The following POGK variants were observed in gnomAD, a reference collection of about 807,000 sequenced individuals.
The protein encoded by POGK is pogo transposable element with KRAB domain.
A neutral mutation model predicts 54.4 loss-of-function variants in POGK; 16 were observed. The observed-to-expected ratio is 0.29, with a 90% CI of 0.20 to 0.45. The LOEUF is 0.45. Ranked by LOEUF, POGK falls within the 20% of genes least tolerant of loss-of-function variation. The pLI is 1.00. For missense variants in POGK, 515 were observed against 795.6 expected (o/e 0.65, Z 4.24); for synonymous variants, 271 against 302.2 (o/e 0.90, Z 1.07).
In POGK at chr1:166,852,925, GAC is replaced by G. The variant is rs1658133746; in HGVS notation, c.*357_*358del. 1 of 152,232 alleles carries G rather than the reference GAC, an allele frequency of 6.6e-6. No homozygotes were observed. Among genetic ancestry groups the G allele is most frequent in the Non-Finnish European group, 1.5e-5 (1 of 68,050 alleles). 9.4% of individuals were successfully genotyped at this position (152,232 alleles called of 1,614,324 possible). A position where few individuals can be genotyped will look rare whatever the true frequency, so the allele number is the denominator to read the frequency against. On this transcript the variant is annotated 3_prime_UTR_variant, in exon 6 of 6. Transcript: ENST00000367876. ...AACAAAGGTTATTTCCTGGAGAAAA[GAC>G]AATTTATTCAACACCAACGAGGGAC...
At chr1:166,841,983 A>G (rs1177156158) in intron 2 of POGK, among the ~76,000 whole-genome samples, 2 of 151,772 alleles carry the variant, frequency 1.3e-5, no homozygotes, top group African/African-American at 4.8e-5. Context: ...ATTTTACCAT[A>G]TGTATGCTAT....
chr1:166,848,022 A>C (rs779412224), intron 4 of POGK, among the ~76,000 whole-genome samples: 3 of 152,236 alleles, frequency 2.0e-5, no homozygotes, highest in African/African-American at 7.2e-5. Flanking sequence ...CATAGCATAC[A>C]TTTGAGCAAA....
intron 2 of POGK, 122 bp downstream of exon 2, chr1:166,841,210 A>T (rs1657497971): frequency 7.5e-7 from 1 of 1,339,276 alleles, no homozygotes; most frequent in Non-Finnish European, 1.0e-6. Context: ...GTGTGTTTGC[A>T]TTCCTGAGAA....
Position 166,847,585 on chromosome 1 carries a change from C to T in POGK, c.351C>T (p.Thr117=). 6.2e-7 allele frequency: 1 copy of T among 1,612,828 alleles called. No homozygotes were observed. Among genetic ancestry groups the T allele is most frequent in the Admixed American group, 1.7e-5 (1 of 59,998 alleles). The change falls in exon 4 of 6, where the codon ACC becomes ACT. Residue 117 remains threonine, a synonymous_variant. Coordinates refer to ENST00000367876, the MANE Select transcript of POGK (RefSeq NM_017542.5). The part of the protein sequence containing the change: ...NSDEWQLQGG[T]SAENEESDVK... Reference sequence around the variant, plus strand: ...ACGAGTGGCAGCTCCAAGGAGGCACCTCTGCAGGTACTACAAGTAAAGCAG... The same window carrying T: ...ACGAGTGGCAGCTCCAAGGAGGCACTTCTGCAGGTACTACAAGTAAAGCAG...
rs1304410380 is a variant in POGK, at chr1:166,855,784, C to G, written c.*3214C>G. On this transcript the variant is annotated 3_prime_UTR_variant, in exon 6 of 6. Transcript: ENST00000367876. ...CCTGACATTGCAGTGGGCAGCAGGA[C>G]ACGGTCAAGGCTCCTAGCTGCCTCT... 2 of 152,238 alleles carry G rather than the reference C, an allele frequency of 1.3e-5. No homozygotes were observed. The highest frequency in any genetic ancestry group is 2.9e-5 in the Non-Finnish European group (2 of 68,072). The allele number at this position is 152,238 out of a possible 1,614,324, so 9.4% of individuals were successfully genotyped here.
rs1658155514 is a variant in POGK at position 166,853,495 on chromosome 1, G to T, written c.*925G>T. The T allele has an allele frequency of 6.6e-6, 1 of 152,592 alleles. No homozygotes were observed. The highest frequency in any genetic ancestry group is 2.1e-4 in the South Asian group (1 of 4,832). 9.5% of individuals were successfully genotyped at this position (152,592 alleles called of 1,614,324 possible). ...TTAATATTTTTATCACGGGGCAGTG[G>T]GAGGGCTTGGGCTTTTAGCCACAGC... On this transcript the variant is annotated 3_prime_UTR_variant, in exon 6 of 6. Transcript: ENST00000367876.
chr1:166,843,204 T>G (rs1225365487), intron 2 of POGK, among the ~76,000 whole-genome samples: 1 of 152,032 alleles, frequency 6.6e-6, no homozygotes, highest in African/African-American at 2.4e-5. Flanking sequence ...GGAGAGGAGC[T>G]TGGGTGCAGA....
Position 166,850,447 on chromosome 1 carries a change from C to G in POGK, c.*14+24C>G, listed in dbSNP as rs768127159. On this transcript the variant is annotated intron_variant, in intron 5 of 5. Transcript: ENST00000367876. ...AGGTAACCACTCAGGAGTAGATACTCAGTGCCTTTGCTGACATGTCTGTGT... is the reference window on the plus strand; with the variant it reads ...AGGTAACCACTCAGGAGTAGATACTGAGTGCCTTTGCTGACATGTCTGTGT... 2.6e-6 allele frequency: 4 copies of G among 1,552,462 alleles called. No individual in the cohort carries two copies. In the South Asian group the frequency reaches 4.9e-5, roughly 19 times the overall value.
intron 2 of POGK, among the ~76,000 whole-genome samples, chr1:166,844,589 T>C (rs1257139189): frequency 1.3e-5 from 2 of 152,214 alleles, no homozygotes; most frequent in Non-Finnish European, 2.9e-5. Flanking sequence ...TTAATGATTC[T>C]TTGAAACAGT....
At chr1:166,850,538 G>A in intron 5 of POGK, 115 bp downstream of exon 5, 1 of 1,239,490 alleles carries the variant, frequency 8.1e-7, no homozygotes. Context: ...CAGTGCAGTA[G>A]TGTAGATCAG....
intron 5 of POGK, chr1:166,850,751 A>G (rs924908565): frequency 1.1e-5 from 2 of 184,668 alleles, no homozygotes; most frequent in Non-Finnish European, 2.2e-5. Flanking sequence ...AGGCTCCTCA[A>G]TGCCTGAGGA....
chr1:166,849,801 G>A lies in POGK; in HGVS notation c.1222G>A (p.Gly408Arg). 6.2e-7 allele frequency: 1 copy of A among 1,614,264 alleles called. No homozygotes were observed. Among genetic ancestry groups the A allele is most frequent in the Non-Finnish European group, 8.5e-7 (1 of 1,180,044 alleles). ...ITAMLGVLADGRKLPPYIILR... is the reference protein window; with the variant it reads ...ITAMLGVLADRRKLPPYIILR... ...AGCAATGCTTGGTGTCTTGGCTGAT[G>A]GGAGGAAGTTACCACCGTACATCAT... Residue 408 changes from glycine to arginine, a missense_variant, in exon 5 of 6, where the codon GGG becomes AGG. Around this residue, in one of 2 missense-constraint regions of POGK, gnomAD observed 461 missense variants for 743.5 expected, o/e 0.62. Transcript: ENST00000367876.
chr1:166,842,379 G>C (rs1657553131), intron 2 of POGK, among the ~76,000 whole-genome samples: 1 of 152,254 alleles, frequency 6.6e-6, no homozygotes, highest in Non-Finnish European at 1.5e-5. Context: ...TTGGGCATTT[G>C]TGGCCTCCAG....
rs1242539826 is a variant in POGK, at chr1:166,854,462, A to G, written c.*1892A>G. On this transcript the variant is annotated 3_prime_UTR_variant, in exon 6 of 6. Coordinates refer to ENST00000367876, the MANE Select transcript of POGK (RefSeq NM_017542.5). ...CTGACCCCAACAATAAACTTTGATAATAAAGACAATAGGCTATGGTGATTT... is the reference window on the plus strand; with the variant it reads ...CTGACCCCAACAATAAACTTTGATAGTAAAGACAATAGGCTATGGTGATTT... 6 of 148,886 alleles carry G rather than the reference A, an allele frequency of 4.0e-5. No homozygotes were observed. Among genetic ancestry groups the G allele is most frequent in the African/African-American group, 1.5e-4 (6 of 40,236 alleles). 9.2% of individuals were successfully genotyped at this position (148,886 alleles called of 1,614,324 possible). A position where few individuals can be genotyped will look rare whatever the true frequency, so the allele number is the denominator to read the frequency against.
chr1:166,849,570 C>T lies in POGK; in HGVS notation c.991C>T (p.Leu331=). 1.2e-6 allele frequency: 2 copies of T among 1,614,268 alleles called. No homozygotes were observed. Among genetic ancestry groups the T allele is most frequent in the Non-Finnish European group, 1.7e-6 (2 of 1,180,042 alleles). ...GCATAAAGTGCCCGTGCCCCAGCAC[C>T]TGCCGGAAGACCTGACTGAGAAACT... ...LRHKVPVPQH[L]PEDLTEKLVT... The change falls in exon 5 of 6, where the codon CTG becomes TTG. Residue 331 remains leucine (L), a synonymous_variant. Coordinates refer to ENST00000367876, the MANE Select transcript of POGK (RefSeq NM_017542.5).
rs1030110709 is a variant in POGK at position 166,853,822 on chromosome 1, A to G, written c.*1252A>G. On this transcript the variant is annotated 3_prime_UTR_variant, in exon 6 of 6. Coordinates refer to ENST00000367876, the MANE Select transcript of POGK (RefSeq NM_017542.5). ...AACACCTATTTCTACTCAGGTACTCATTGTCCTGTTACTGATTCACCTTTC... is the reference window on the plus strand; with the variant it reads ...AACACCTATTTCTACTCAGGTACTCGTTGTCCTGTTACTGATTCACCTTTC... The G allele has an allele frequency of 4.2e-5, 6 of 143,954 alleles. No homozygotes were observed. Among genetic ancestry groups the G allele is most frequent in the Non-Finnish European group, 9.3e-5 (6 of 64,654 alleles). The allele number at this position is 143,954 out of a possible 1,614,324, so 8.9% of individuals were successfully genotyped here. A position where few individuals can be genotyped will look rare whatever the true frequency, so the allele number is the denominator to read the frequency against.
intron 1 of POGK, among the ~76,000 whole-genome samples, chr1:166,840,597 A>G (rs1289865294): frequency 6.6e-6 from 1 of 152,180 alleles, no homozygotes; most frequent in Non-Finnish European, 1.5e-5. Flanking sequence ...TTTGGGTGGC[A>G]CTGGCTGTGA....
At chr1:166,851,656 G>C (rs890537956) in intron 5 of POGK, 1 of 152,124 alleles carries the variant, frequency 6.6e-6, no homozygotes, top group African/African-American at 2.4e-5. Context: ...TGTACAGCAG[G>C]GGGGACACCC....
chr1:166,850,658 G>A (rs1294556711), intron 5 of POGK: 6 of 442,392 alleles, frequency 1.4e-5, no homozygotes, highest in Admixed American at 8.0e-5. Flanking sequence ...CCTGAGCTCC[G>A]CCCGCTGTCA....
Sources: gnomAD v4.1 joint callset for allele counts (sites outside exome capture counted in the v4.1 genomes callset) on GRCh38, gnomAD v4.1.1 for gene constraint, gnomAD v4.1.1 regional missense constraint, MANE v1.5 for transcripts, NCBI Gene and HGNC (gene_info 2026-07-23, HGNC 2026-07-21) for gene names.